The following SLIT2 variants were observed in gnomAD, a reference collection of about 807,000 sequenced individuals.
The protein encoded by SLIT2 is slit guidance ligand 2.
Under a neutral mutation model 185.7 loss-of-function variants are expected in SLIT2, and 41 were observed. The observed-to-expected ratio is 0.22, with a 90% CI of 0.17 to 0.29. The LOEUF is 0.29. SLIT2 is among the 10% of genes least tolerant of loss of function. The pLI, the probability that SLIT2 is intolerant of heterozygous loss-of-function variation, is 1.00. For missense variants in SLIT2, 1,571 were observed against 1,909.0 expected (o/e 0.82, Z 3.30); for synonymous variants, 693 against 680.2 (o/e 1.02, Z -0.29).
rs1722179769 is a variant in SLIT2, at chr4:20,253,252, T to G, written c.-564T>G. On this transcript the variant is annotated 5_prime_UTR_variant, in exon 1 of 37. The change abolishes an upstream ATG in the 5' untranslated region. Transcript: ENST00000504154. ...CCGCCCCGTGCACCCCCGCGCGCCA[T>G]GCCCAGTTGCCCCGCGCGCTCTGCT... The G allele has an allele frequency of 6.5e-6, 1 of 154,782 alleles. No homozygotes were observed. The highest frequency in any genetic ancestry group is 2.4e-5 in the African/African-American group (1 of 41,476). 9.6% of individuals were successfully genotyped at this position (154,782 alleles called of 1,614,324 possible).
At chr4:20,492,454 C>A (rs1717864896) in intron 9 of SLIT2, among the ~76,000 whole-genome samples, 1 of 152,204 alleles carries the variant, frequency 6.6e-6, no homozygotes, top group African/African-American at 2.4e-5. Context: ...AAGTTAAATT[C>A]TTATGACAAA....
intron 4 of SLIT2, among the ~76,000 whole-genome samples, chr4:20,315,306 A>G (rs1029023598): frequency 6.6e-6 from 1 of 152,128 alleles, no homozygotes; most frequent in Non-Finnish European, 1.5e-5. Flanking sequence ...TTCAACCACA[A>G]CAGAGTAGTT....
At chr4:20,508,177 T>C (rs1413287822) in intron 9 of SLIT2, among the ~76,000 whole-genome samples, 2 of 151,946 alleles carry the variant, frequency 1.3e-5, no homozygotes, top group Non-Finnish European at 2.9e-5. Flanking sequence ...TAAATCCACC[T>C]ATTAGGAGCC....
At chr4:20,345,860 T>A (rs944932756) in intron 4 of SLIT2, among the ~76,000 whole-genome samples, 1 of 152,046 alleles carries the variant, frequency 6.6e-6, no homozygotes, top group Non-Finnish European at 1.5e-5. Context: ...ATGTGACTCT[T>A]CTTGATCCCC....
chr4:20,319,726 G>C (rs549002389), intron 4 of SLIT2, among the ~76,000 whole-genome samples: 2 of 151,394 alleles, frequency 1.3e-5, no homozygotes, highest in East Asian at 3.9e-4. Context: ...TTCCATCTTA[G>C]TTATCGTTTT....
intron 5 of SLIT2, among the ~76,000 whole-genome samples, chr4:20,472,284 A>C (rs559495612): frequency 0.074 from 1,291 of 17,362 alleles, 158 homozygotes; most frequent in African/African-American, 0.24. Flanking sequence ...ATCTATATAT[A>C]TAGATATATA....
intron 30 of SLIT2, among the ~76,000 whole-genome samples, chr4:20,594,262 CGCAT>C (rs1403580232): frequency 6.2e-5 from 9 of 146,290 alleles, no homozygotes; most frequent in Non-Finnish European, 1.0e-4. Flanking sequence ...TATACATACA[CGCAT>C]ATGTATGTGT....
At chr4:20,472,228 A>C (rs74814683) in intron 5 of SLIT2, among the ~76,000 whole-genome samples, 6,998 of 94,762 alleles carry the variant, frequency 0.074, 616 homozygotes, top group Middle Eastern at 0.12. Flanking sequence ...GTGTGTATAT[A>C]TATATAGATC....
At chr4:20,438,257 G>A (rs1174857378) in intron 4 of SLIT2, among the ~76,000 whole-genome samples, 1 of 152,128 alleles carries the variant, frequency 6.6e-6, no homozygotes, top group East Asian at 1.9e-4. Flanking sequence ...TTTTCATGGT[G>A]TTGATAAAGA....
intron 4 of SLIT2, among the ~76,000 whole-genome samples, chr4:20,373,392 C>T (rs1295109805): frequency 6.6e-6 from 1 of 151,854 alleles, no homozygotes; most frequent in Non-Finnish European, 1.5e-5. Flanking sequence ...CTCCTATTTG[C>T]TTTGAAGGAA....
intron 9 of SLIT2, among the ~76,000 whole-genome samples, chr4:20,499,314 A>G (rs150256411): frequency 7.3e-4 from 111 of 152,210 alleles, no homozygotes; most frequent in African/African-American, 2.5e-3. Context: ...TGCAAATACA[A>G]TTTTAAAAGT....
chr4:20,456,360 T>G (rs1158545599), intron 4 of SLIT2, among the ~76,000 whole-genome samples: 2 of 152,142 alleles, frequency 1.3e-5, no homozygotes, highest in Non-Finnish European at 2.9e-5. Flanking sequence ...CTTCTTTCCA[T>G]TGTGGTCTCC....
At chr4:20,269,066 G>T (rs1713330484) in intron 4 of SLIT2, among the ~76,000 whole-genome samples, 185 bp downstream of exon 4, 1 of 151,762 alleles carries the variant, frequency 6.6e-6, no homozygotes, top group Non-Finnish European at 1.5e-5. Context: ...TGTTTTATTT[G>T]GTTAGGATTT....
Position 20,298,997 on chromosome 4 carries a change from C to T in SLIT2, c.395+30116C>T, listed in dbSNP as rs1158500923. On this transcript the variant is annotated intron_variant, in intron 4 of 36. Transcript: ENST00000504154. Reference sequence around the variant, plus strand: ...ACCATTATTCATAGTTGTAATTTGACATTTATCTGTCATTAATTTTTGCAA... The same window carrying T: ...ACCATTATTCATAGTTGTAATTTGATATTTATCTGTCATTAATTTTTGCAA... Among the ~76,000 whole-genome samples, 3 of 152,082 alleles carry T rather than the reference C, an allele frequency of 2.0e-5. 1 individual carries two copies. Among genetic ancestry groups the T allele is most frequent in the Non-Finnish European group, 4.4e-5 (3 of 68,004 alleles).
intron 4 of SLIT2, among the ~76,000 whole-genome samples, chr4:20,285,232 A>G (rs1432135959): frequency 6.6e-6 from 1 of 152,202 alleles, no homozygotes; most frequent in East Asian, 1.9e-4. Context: ...GAGTGAGACA[A>G]TGATGAGGCC....
intron 3 of SLIT2, among the ~76,000 whole-genome samples, chr4:20,261,771 T>G (rs956740803): frequency 1.3e-5 from 2 of 151,900 alleles, no homozygotes; most frequent in African/African-American, 4.8e-5. Flanking sequence ...AGTAGCATAC[T>G]GTGAAAAGTC....
At chr4:20,411,528 A>G (rs1727258736) in intron 4 of SLIT2, among the ~76,000 whole-genome samples, 1 of 152,166 alleles carries the variant, frequency 6.6e-6, no homozygotes, top group African/African-American at 2.4e-5. Flanking sequence ...ATCTTGCTGC[A>G]TTTCAGGCTT....
intron 4 of SLIT2, among the ~76,000 whole-genome samples, chr4:20,397,649 A>G (rs960118347): frequency 6.6e-6 from 1 of 151,824 alleles, no homozygotes; most frequent in African/African-American, 2.4e-5. Flanking sequence ...TACATAATAT[A>G]GTTTTAAATA....
intron 33 of SLIT2, among the ~76,000 whole-genome samples, chr4:20,601,744 A>G (rs992259627): frequency 6.6e-6 from 1 of 152,202 alleles, no homozygotes; most frequent in Non-Finnish European, 1.5e-5. Flanking sequence ...TATCAATAAC[A>G]GTGTTGCAAT....
Sources: gnomAD v4.1 joint callset for allele counts (sites outside exome capture counted in the v4.1 genomes callset) on GRCh38, gnomAD v4.1.1 for gene constraint, MANE v1.5 for transcripts, NCBI Gene and HGNC (gene_info 2026-07-23, HGNC 2026-07-21) for gene names.